The following ZC3H12B variants were observed in gnomAD, a reference collection of about 807,000 sequenced individuals.
ZC3H12B encodes the protein probable ribonuclease ZC3H12B.
In ZC3H12B, 7 loss-of-function variants were observed where a neutral mutation model predicts 43.9. That is an observed-to-expected ratio of 0.16 (90% confidence interval 0.09 to 0.30). The LOEUF (loss-of-function observed/expected upper bound fraction) is 0.30, where lower values mean the gene tolerates loss of function less well. Among genes scored for constraint, ZC3H12B ranks in the 10% least tolerant of loss-of-function variants. The probability of loss-of-function intolerance (pLI) is 1.00; values close to 1 mark genes in which losing one functional copy is unlikely to be tolerated. For synonymous variants in ZC3H12B, 222 were observed against 241.7 expected (o/e 0.92, Z 0.76); for missense variants, 475 against 670.2 (o/e 0.71, Z 3.22).
chrX:65,267,199 C>CTTT, the ZC3H12B span, among the ~76,000 whole-genome samples: 84 of 90,363 alleles, frequency 9.3e-4, no homozygotes, highest in African/African-American at 3.3e-3. Flanking sequence ...TTCTTTCTTT[C>CTTT]TTTTTTTTTT....
At chrX:65,461,342 C>G (rs182732010) in intron 3 of ZC3H12B, among the ~76,000 whole-genome samples, 4 of 112,231 alleles carry the variant, frequency 3.6e-5, no homozygotes, top group South Asian at 7.4e-4. Context: ...ATCCAGCCAT[C>G]CCATTACTGG....
chrX:65,092,004 A>T, the ZC3H12B span, among the ~76,000 whole-genome samples: 2 of 111,603 alleles, frequency 1.8e-5, no homozygotes, highest in African/African-American at 6.5e-5. Flanking sequence ...TAATTGGTTC[A>T]GCGCCATCCC....
At chrX:65,450,986 C>T (rs1366821145) in intron 3 of ZC3H12B, among the ~76,000 whole-genome samples, 1 of 105,130 alleles carries the variant, frequency 9.5e-6, no homozygotes, top group Non-Finnish European at 1.9e-5. Context: ...TTCTTTTGTT[C>T]ATCCAGGCTG....
At chrX:65,500,427 G>T (rs892151649) in intron 4 of ZC3H12B, among the ~76,000 whole-genome samples, 6 of 111,537 alleles carry the variant, frequency 5.4e-5, no homozygotes, top group East Asian at 2.8e-4. Flanking sequence ...CAGTTTTTTT[G>T]TTTGTTTGTT....
the ZC3H12B span, among the ~76,000 whole-genome samples, chrX:65,244,852 A>G: frequency 2.7e-5 from 3 of 110,341 alleles, no homozygotes; most frequent in African/African-American, 9.9e-5. Flanking sequence ...TGTATGTTCG[A>G]TTAAGAAATG....
the ZC3H12B span, among the ~76,000 whole-genome samples, chrX:65,203,380 A>G: frequency 2.9e-4 from 32 of 111,292 alleles, no homozygotes; most frequent in South Asian, 0.011. Flanking sequence ...GCCAAGGCCC[A>G]TGCAAGTACT....
At chrX:65,096,780 AT>A in the ZC3H12B span, among the ~76,000 whole-genome samples, 6 of 111,582 alleles carry the variant, frequency 5.4e-5, no homozygotes, top group Admixed American at 2.9e-4. Flanking sequence ...TTCTCTCTAA[AT>A]TTTTTTTGTA....
chrX:65,270,680 C>T, the ZC3H12B span, among the ~76,000 whole-genome samples: 51 of 111,440 alleles, frequency 4.6e-4, no homozygotes, highest in African/African-American at 1.7e-3. Flanking sequence ...AAAAAAAATG[C>T]ATGAACAAAG....
chrX:65,120,090 A>G, the ZC3H12B span, among the ~76,000 whole-genome samples: 9 of 111,805 alleles, frequency 8.0e-5, no homozygotes, highest in Admixed American at 8.5e-4. Flanking sequence ...TGATGCCTCT[A>G]GCTTTGTTCT....
the ZC3H12B span, among the ~76,000 whole-genome samples, chrX:65,283,298 A>G: frequency 8.9e-6 from 1 of 112,086 alleles, no homozygotes; most frequent in African/African-American, 3.2e-5. Context: ...AACTCTCAGT[A>G]AACTAGGTAT....
the ZC3H12B span, among the ~76,000 whole-genome samples, chrX:65,343,430 A>T: frequency 2.7e-5 from 3 of 111,925 alleles, no homozygotes; most frequent in African/African-American, 9.7e-5. Context: ...AATCCACAAC[A>T]AAATAGTGGC....
At chrX:65,139,871 A>G in the ZC3H12B span, among the ~76,000 whole-genome samples, 5 of 110,994 alleles carry the variant, frequency 4.5e-5, no homozygotes, top group African/African-American at 1.6e-4. Flanking sequence ...TGTTTTCTAG[A>G]TTTATTTTTC....
chrX:65,200,048 G>A, the ZC3H12B span, among the ~76,000 whole-genome samples: 1 of 111,353 alleles, frequency 9.0e-6, no homozygotes, highest in Admixed American at 9.6e-5. Context: ...CTTCTACAAT[G>A]GTTGAACTAA....
chrX:65,236,625 G>A, the ZC3H12B span, among the ~76,000 whole-genome samples: 2 of 111,609 alleles, frequency 1.8e-5, no homozygotes, highest in Non-Finnish European at 3.8e-5. Context: ...CTTTGCCCAT[G>A]CCTATTTCCT....
At chrX:65,496,519 C>T (rs1328973848) in intron 1 of ZC3H12B, among the ~76,000 whole-genome samples, 2 of 109,282 alleles carry the variant, frequency 1.8e-5, no homozygotes, top group Non-Finnish European at 3.8e-5. Context: ...AGATAGCCAT[C>T]AGGGCTGCAA....
chrX:65,244,327 T>C, the ZC3H12B span, among the ~76,000 whole-genome samples: 3 of 110,991 alleles, frequency 2.7e-5, no homozygotes, highest in East Asian at 8.5e-4. Flanking sequence ...ACAGATGTAA[T>C]GATAATGAAA....
chrX:65,223,374 G>T, the ZC3H12B span, among the ~76,000 whole-genome samples: 6 of 111,527 alleles, frequency 5.4e-5, no homozygotes, highest in African/African-American at 2.0e-4. Flanking sequence ...AAAAATTCTG[G>T]GAGATAACAT....
At chrX:65,474,818 T>C (rs1482591705) in intron 3 of ZC3H12B, among the ~76,000 whole-genome samples, 1 of 111,817 alleles carries the variant, frequency 8.9e-6, no homozygotes, top group African/African-American at 3.3e-5. Flanking sequence ...TGTTGACCAG[T>C]CTGGTCTCGA....
chrX:65,222,562 G>C, the ZC3H12B span, among the ~76,000 whole-genome samples: 1 of 105,940 alleles, frequency 9.4e-6, no homozygotes, highest in Non-Finnish European at 1.9e-5. Flanking sequence ...ACTAAGCTGA[G>C]AATAAATTCA....
Sources: gnomAD v4.1 joint callset for allele counts (sites outside exome capture counted in the v4.1 genomes callset) on GRCh38, gnomAD v4.1.1 for gene constraint, MANE v1.5 for transcripts, NCBI Gene and HGNC (gene_info 2026-07-23, HGNC 2026-07-21) for gene names.